Variants in CDH18 observed in about 807,000 individuals in gnomAD.
CDH18 encodes cadherin-18.
CDH18 carries 31 observed loss-of-function variants against 67.9 expected under a neutral mutation model. The ratio of observed to expected loss-of-function variants is 0.46; its 90% CI spans 0.34 to 0.62. CDH18 has a LOEUF of 0.62. Ranked by LOEUF, CDH18 falls within the 20% of genes least tolerant of loss-of-function variation. CDH18 has a pLI of 0.01. For missense variants in CDH18, 890 were observed against 975.5 expected (o/e 0.91, Z 1.17); for synonymous variants, 362 against 347.2 (o/e 1.04, Z -0.48).
At chr5:20,519,117 T>C (rs1410431928) in intron 1 of CDH18, among the ~76,000 whole-genome samples, 1 of 152,198 alleles carries the variant, frequency 6.6e-6, no homozygotes, top group Non-Finnish European at 1.5e-5. Flanking sequence ...TTTCTGTCTT[T>C]ATTCTTGTTG....
intron 2 of CDH18, among the ~76,000 whole-genome samples, chr5:20,242,624 A>ATTTT (rs1743049351): frequency 5.4e-5 from 2 of 36,736 alleles, no homozygotes; most frequent in Non-Finnish European, 1.2e-4. Context: ...ATATATATAT[A>ATTTT]TATATATATG....
chr5:19,676,180 T>A lies in CDH18; in HGVS notation c.643+45167A>T, dbSNP rs546527244. On this transcript the variant is annotated intron_variant, in intron 5 of 12. Transcript: ENST00000382275. ...AAAAATAAAGATAAAACAAAACCTA[T>A]GAGAAATATGGGATTACATAACCCT... Among the ~76,000 whole-genome samples the A allele has an allele frequency of 9.2e-5, 14 of 151,948 alleles. No homozygotes were observed. In the South Asian group the frequency reaches 2.3e-3, roughly 25 times the overall value.
chr5:19,883,082 C>G (rs916363181), intron 2 of CDH18, among the ~76,000 whole-genome samples: 2 of 152,190 alleles, frequency 1.3e-5, no homozygotes, highest in African/African-American at 2.4e-5. Context: ...GCAAGATACT[C>G]TGCCTCCCAC....
chr5:20,161,564 T>C (rs1021960686), intron 2 of CDH18, among the ~76,000 whole-genome samples: 6 of 152,182 alleles, frequency 3.9e-5, no homozygotes, highest in African/African-American at 7.2e-5. Flanking sequence ...AAATGCAGCA[T>C]ATTTATGTTC....
At chr5:19,618,303 T>C (rs535215334) in intron 5 of CDH18, among the ~76,000 whole-genome samples, 1 of 152,058 alleles carries the variant, frequency 6.6e-6, no homozygotes, top group East Asian at 1.9e-4. Context: ...CCTCTCGGGT[T>C]CAAGTGATTC....
chr5:20,083,294 A>G (rs559908973), intron 2 of CDH18, among the ~76,000 whole-genome samples: 1 of 152,352 alleles, frequency 6.6e-6, no homozygotes, highest in South Asian at 2.1e-4. Context: ...TTGCAAAGTA[A>G]GACTCTTATA....
In CDH18 at chr5:20,481,815, AAGGT is replaced by A. The variant is rs556669904; in HGVS notation, c.-580+93643_-580+93646del. 3.3e-3 allele frequency among the ~76,000 whole-genome samples: 496 copies of A among 152,210 alleles called. 3 individuals are homozygous for A. Among genetic ancestry groups the A allele is most frequent in the African/African-American group, 0.011 (463 of 41,568 alleles). ...GGACACTGACAGTAGGACTAAGAGGAAGGTATACAACAATAAGCACCTATGTCAA... is the reference window on the plus strand; with the variant it reads ...GGACACTGACAGTAGGACTAAGAGGAATACAACAATAAGCACCTATGTCAA... On this transcript the variant is annotated intron_variant, in intron 1 of 14. Coordinates refer to the CDH18 transcript ENST00000507958.
At chr5:19,609,632 A>G (rs554938774) in intron 6 of CDH18, among the ~76,000 whole-genome samples, 1 of 152,180 alleles carries the variant, frequency 6.6e-6, no homozygotes, top group East Asian at 1.9e-4. Flanking sequence ...CACTTTCTCA[A>G]GCATGGTAGA....
At chr5:20,386,126 C>G (rs187377003) in intron 1 of CDH18, among the ~76,000 whole-genome samples, 1 of 152,284 alleles carries the variant, frequency 6.6e-6, no homozygotes, top group African/African-American at 2.4e-5. Flanking sequence ...AAGGAAATGT[C>G]ATTTAATCTC....
intron 7 of CDH18, among the ~76,000 whole-genome samples, chr5:19,584,266 A>G (rs1006247783): frequency 6.6e-6 from 1 of 152,170 alleles, no homozygotes; most frequent in Non-Finnish European, 1.5e-5. Context: ...GCACCAGTGA[A>G]TTCAACTTGG....
At chr5:19,661,670 A>G (rs1757199984) in intron 5 of CDH18, among the ~76,000 whole-genome samples, 1 of 152,092 alleles carries the variant, frequency 6.6e-6, no homozygotes, top group Non-Finnish European at 1.5e-5. Context: ...TCTCTTTTAA[A>G]AAGTGGAACA....
chr5:19,629,606 C>A (rs548566666), intron 5 of CDH18, among the ~76,000 whole-genome samples: 1 of 152,250 alleles, frequency 6.6e-6, no homozygotes, highest in African/African-American at 2.4e-5. Flanking sequence ...GTCAATCTAT[C>A]TAATCTTAAT....
chr5:20,376,920 G>C (rs141721341), intron 1 of CDH18, among the ~76,000 whole-genome samples: 4,367 of 152,152 alleles, frequency 0.029, 142 homozygotes, highest in Admixed American at 0.1. Context: ...AGGGGGCTGA[G>C]GCAGGAGAAT....
chr5:20,378,389 G>T (rs996670892), intron 1 of CDH18, among the ~76,000 whole-genome samples: 21 of 151,950 alleles, frequency 1.4e-4, no homozygotes, highest in Non-Finnish European at 1.5e-5. Context: ...GCCAGGATGA[G>T]ATAACCCTCT....
At chr5:19,853,861 G>A (rs1157379432) in intron 2 of CDH18, among the ~76,000 whole-genome samples, 3 of 152,102 alleles carry the variant, frequency 2.0e-5, no homozygotes, top group Non-Finnish European at 1.5e-5. Flanking sequence ...AACTGATCTG[G>A]ACAACTATAA....
At chr5:19,735,427 C>T (rs565898913) in intron 4 of CDH18, among the ~76,000 whole-genome samples, 117 of 146,808 alleles carry the variant, frequency 8.0e-4, no homozygotes, top group African/African-American at 2.5e-3. Context: ...GACGGAGTCT[C>T]GCTCTGTCGC....
At chr5:19,948,237 G>T (rs78042491) in intron 2 of CDH18, among the ~76,000 whole-genome samples, 11,746 of 152,060 alleles carry the variant, frequency 0.077, 621 homozygotes, top group Non-Finnish European at 0.11. Flanking sequence ...TAGACTTATC[G>T]CACAAAGCAG....
At chr5:19,963,658 TC>T (rs1372316048) in intron 2 of CDH18, among the ~76,000 whole-genome samples, 1 of 152,078 alleles carries the variant, frequency 6.6e-6, no homozygotes, top group Non-Finnish European at 1.5e-5. Flanking sequence ...TCCTGAGGCC[TC>T]CCCAGCCATG....
At chr5:20,172,190 G>GTGTATATATATATATATA (rs1342353318) in intron 2 of CDH18, among the ~76,000 whole-genome samples, 3 of 23,328 alleles carry the variant, frequency 1.3e-4, no homozygotes, top group South Asian at 1.9e-3. Context: ...AGCATTGTGT[G>GTGTATATATATATATATA]TATATATATA....
Sources: allele counts gnomAD v4.1 joint callset (sites outside exome capture counted in the v4.1 genomes callset), GRCh38; gene constraint gnomAD v4.1.1; transcripts MANE v1.5; gene names NCBI Gene and HGNC (gene_info 2026-07-23, HGNC 2026-07-21).